Variants in CREB1 observed in about 807,000 individuals in gnomAD.
CREB1 encodes the protein cyclic AMP-responsive element-binding protein 1.
CREB1 carries 2 observed loss-of-function variants against 42.0 expected under a neutral mutation model. The observed-to-expected ratio is 0.05, with a 90% CI of 0.02 to 0.15. CREB1 has a LOEUF of 0.15. Ranked by LOEUF, CREB1 falls within the 10% of genes least tolerant of loss-of-function variation. CREB1 has a pLI of 1.00. For synonymous variants in CREB1, 123 were observed against 139.9 expected, an observed-to-expected ratio of 0.88 and a Z score of 0.85; for missense variants, 199 against 388.9, an observed-to-expected ratio of 0.51 and a Z score of 4.11.
At chr2:207,574,002 TAAGATA>T (rs935890306) in intron 5 of CREB1, among the ~76,000 whole-genome samples, 3 of 152,236 alleles carry the variant, frequency 2.0e-5, no homozygotes, top group African/African-American at 7.2e-5. Context: ...TCTCCCTGCC[TAAGATA>T]AGTAAAACTT....
At chr2:207,545,026 T>C (rs745617789) in intron 1 of CREB1, among the ~76,000 whole-genome samples, 5 of 152,180 alleles carry the variant, frequency 3.3e-5, no homozygotes, top group Non-Finnish European at 7.3e-5. Flanking sequence ...AGTTAACATA[T>C]GCGTGCATGT....
intron 7 of CREB1, among the ~76,000 whole-genome samples, chr2:207,592,159 A>G (rs971490710): frequency 3.9e-5 from 6 of 152,250 alleles, no homozygotes; most frequent in Non-Finnish European, 7.4e-5. Context: ...GACTTTAAAG[A>G]TGTCACTTAA....
intron 1 of CREB1, among the ~76,000 whole-genome samples, chr2:207,536,588 C>A (rs1355010576): frequency 6.6e-6 from 1 of 152,074 alleles, no homozygotes; most frequent in Admixed American, 6.6e-5. Context: ...TGGTATATTT[C>A]GTTTTTTGTA....
rs547518900 is a variant in CREB1, at chr2:207,591,805, G to T, written c.840-5109G>T. Among the ~76,000 whole-genome samples, 3 of 152,194 alleles carry T rather than the reference G, an allele frequency of 2.0e-5. No individual in the cohort carries two copies. The East Asian group carries it at 5.8e-4, about 29-fold the overall frequency. On this transcript the variant is annotated intron_variant, in intron 7 of 7. Transcript: ENST00000353267. ...TCTTCTCTGTTTATATTTGAAGTGGGATTCTTGTAGATGGCATATACTTAG... is the reference window on the plus strand; with the variant it reads ...TCTTCTCTGTTTATATTTGAAGTGGTATTCTTGTAGATGGCATATACTTAG...
chr2:207,532,854 C>G (rs537981666), intron 1 of CREB1, among the ~76,000 whole-genome samples: 24 of 152,048 alleles, frequency 1.6e-4, no homozygotes, highest in Non-Finnish European at 2.6e-4. Flanking sequence ...CTCCCGGGTT[C>G]AAGCAATTCT....
At chr2:207,543,245 T>TCTG (rs755406660) in intron 1 of CREB1, among the ~76,000 whole-genome samples, 1 of 152,172 alleles carries the variant, frequency 6.6e-6, no homozygotes, top group Non-Finnish European at 1.5e-5. Context: ...ATATCTTTGA[T>TCTG]CTGCAGTTGG....
intron 1 of CREB1, among the ~76,000 whole-genome samples, chr2:207,539,246 A>G (rs1364318857): frequency 7.1e-6 from 1 of 141,638 alleles, no homozygotes; most frequent in Non-Finnish European, 1.5e-5. Flanking sequence ...TAGAGACAGG[A>G]TTTCACCATG....
At chr2:207,530,986 A>T (rs1284821940) in intron 1 of CREB1, among the ~76,000 whole-genome samples, 23 of 142,932 alleles carry the variant, frequency 1.6e-4, no homozygotes, top group African/African-American at 3.1e-4. Flanking sequence ...TTTTTTTTTT[A>T]AAGTCAGTCA....
At position 207,570,338 on chromosome 2, in the gene CREB1, T is replaced by A; in HGVS notation, c.505+17T>A. 1.2e-5 allele frequency: 19 copies of A among 1,576,494 alleles called. No homozygotes were observed. Among genetic ancestry groups the A allele is most frequent in the Non-Finnish European group, 1.6e-5 (19 of 1,162,680 alleles). On this transcript the variant is annotated intron_variant, in intron 5 of 7. Transcript: ENST00000353267. ...GACAGTATAGTGAGTAATAGACAAT[T>A]TCTGTTTCTATTGTGAGGAGAAAAA...
chr2:207,567,424 A>G (rs2082182155), intron 3 of CREB1, 39 bp from the exon 4 acceptor site: 1 of 1,450,674 alleles, frequency 6.9e-7, no homozygotes. Flanking sequence ...TACAGGAACT[A>G]AATTTGATTA....
At chr2:207,586,637 A>T (rs571583000) in intron 7 of CREB1, among the ~76,000 whole-genome samples, 1 of 152,334 alleles carries the variant, frequency 6.6e-6, no homozygotes, top group South Asian at 2.1e-4. Context: ...GAATGGGAGG[A>T]ATATTTACAA....
chr2:207,557,103 AT>A (rs1003338436), intron 2 of CREB1, among the ~76,000 whole-genome samples: 38 of 152,104 alleles, frequency 2.5e-4, no homozygotes, highest in Non-Finnish European at 5.4e-4. Context: ...GCGCCACTGC[AT>A]TCCAGCCGGG....
chr2:207,571,022 CT>C lies in CREB1; in HGVS notation c.505+713del, dbSNP rs71036933. Among the ~76,000 whole-genome samples, 168 of 68,446 alleles carry C rather than the reference CT, an allele frequency of 2.5e-3. 4 individuals carry two copies. Among genetic ancestry groups the C allele is most frequent in the African/African-American group, 5.9e-3 (150 of 25,640 alleles). The allele number at this position is 68,446 out of a possible 152,430, so 44.9% of individuals were successfully genotyped here. On this transcript the variant is annotated intron_variant, in intron 5 of 7. Transcript: ENST00000353267. ...GAATGGTACTTTTTTCTCTTTTTCC[CT>C]TTTTTTTTTTTGCCTCTCAAAGTGC...
rs947824134 is a variant in CREB1, at chr2:207,603,223, A to G, written c.*6165A>G. The G allele has an allele frequency of 4.6e-6, 1 of 218,388 alleles. No individual in the cohort carries two copies. Among genetic ancestry groups the G allele is most frequent in the Non-Finnish European group, 9.2e-6 (1 of 108,750 alleles). The allele number at this position is 218,388 out of a possible 1,614,324, so 13.5% of individuals were successfully genotyped here. ...TAAAGAAAAAAATGTACTGAGTTAC[A>G]ATGCATTTTATTAACACTATGTACA... On this transcript the variant is annotated 3_prime_UTR_variant, in exon 8 of 8. Coordinates refer to ENST00000353267, the MANE Select transcript of CREB1 (RefSeq NM_004379.5).
intron 3 of CREB1, 125 bp from the exon 4 acceptor site, chr2:207,567,338 A>G (rs763796190): frequency 3.4e-6 from 2 of 592,450 alleles, no homozygotes; most frequent in Non-Finnish European, 5.8e-6. Flanking sequence ...GTTGTCTCCC[A>G]TAAGAACTGA....
chr2:207,535,677 A>C (rs1379927122), intron 1 of CREB1, among the ~76,000 whole-genome samples: 1 of 152,118 alleles, frequency 6.6e-6, no homozygotes, highest in East Asian at 1.9e-4. Context: ...CCCGTGGGGA[A>C]ACCTTTGGTC....
At chr2:207,565,926 A>G (rs1318038132) in intron 3 of CREB1, among the ~76,000 whole-genome samples, 3 of 152,206 alleles carry the variant, frequency 2.0e-5, no homozygotes, top group Non-Finnish European at 4.4e-5. Context: ...GGCTAGTTAC[A>G]GCAGCTACTG....
At chr2:207,566,190 C>T (rs1404615514) in intron 3 of CREB1, among the ~76,000 whole-genome samples, 1 of 152,092 alleles carries the variant, frequency 6.6e-6, no homozygotes, top group African/African-American at 2.4e-5. Context: ...TTTAAATGAG[C>T]ATGCATATCA....
At chr2:207,561,128 A>G in intron 3 of CREB1, 1 of 1,613,376 alleles carries the variant, frequency 6.2e-7, no homozygotes, top group Non-Finnish European at 8.5e-7. Context: ...GTCTTCCTGT[A>G]AGGACTTAAA....
Sources: gnomAD v4.1 joint callset for allele counts (sites outside exome capture counted in the v4.1 genomes callset) on GRCh38, gnomAD v4.1.1 for gene constraint, MANE v1.5 for transcripts, NCBI Gene and HGNC (gene_info 2026-07-23, HGNC 2026-07-21) for gene names.